Variants in HDAC9 observed in about 807,000 individuals in gnomAD.
HDAC9 encodes the protein MEF-2 interacting transcription repressor (MITR) protein.
A neutral mutation model predicts 139.4 loss-of-function variants in HDAC9; 41 were observed. The ratio of observed to expected loss-of-function variants is 0.29; its 90% CI spans 0.23 to 0.38. HDAC9 has a LOEUF of 0.38. HDAC9 is among the 10% of genes least tolerant of loss of function. HDAC9 has a pLI of 1.00. For missense variants in HDAC9, 1,147 were observed against 1,297.0 expected, an observed-to-expected ratio of 0.88 and a Z score of 1.78; for synonymous variants, 517 against 476.2, an observed-to-expected ratio of 1.09 and a Z score of -1.12.
At chr7:18,379,087 T>C (rs1785222156) in intron 1 of HDAC9, among the ~76,000 whole-genome samples, 1 of 152,204 alleles carries the variant, frequency 6.6e-6, no homozygotes, top group African/African-American at 2.4e-5. Context: ...TTTATAACTT[T>C]ATAACTCATA....
chr7:18,992,127 C>T (rs180841060), intron 25 of HDAC9, among the ~76,000 whole-genome samples: 2 of 152,162 alleles, frequency 1.3e-5, no homozygotes, highest in African/African-American at 4.8e-5. Context: ...AAATATATGA[C>T]CTGGTAATTT....
intron 16 of HDAC9, among the ~76,000 whole-genome samples, chr7:18,768,108 A>G (rs1319402558): frequency 1.3e-5 from 2 of 152,156 alleles, no homozygotes; most frequent in Admixed American, 1.3e-4. Context: ...TGGTAGCTAT[A>G]TCCATTTGCC....
intron 1 of HDAC9, among the ~76,000 whole-genome samples, chr7:18,354,168 A>C (rs1783075368): frequency 6.6e-6 from 1 of 152,166 alleles, no homozygotes; most frequent in Non-Finnish European, 1.5e-5. Context: ...AATCAGCCCT[A>C]CTGAATGAAC....
At chr7:18,523,933 TG>T (rs1805942242) in intron 2 of HDAC9, among the ~76,000 whole-genome samples, 1 of 148,768 alleles carries the variant, frequency 6.7e-6, no homozygotes, top group Non-Finnish European at 1.5e-5. Flanking sequence ...TCCCATTGCT[TG>T]TCTTGCTATT....
In HDAC9 at chr7:18,764,543, T is replaced by A. The variant is rs551418829; in HGVS notation, c.2164+2266T>A. On this transcript the variant is annotated intron_variant, in intron 15 of 25. Coordinates refer to ENST00000686413, the MANE Select transcript of HDAC9 (RefSeq NM_178425.4). Reference sequence around the variant, plus strand: ...CTCAATCTCAGTTCAAAGTGAATAATTCTGTTCTTTTTAAAGGTTAACTTT... The same window carrying A: ...CTCAATCTCAGTTCAAAGTGAATAAATCTGTTCTTTTTAAAGGTTAACTTT... Among the ~76,000 whole-genome samples, 225 of 152,298 alleles carry A rather than the reference T, an allele frequency of 1.5e-3. 1 individual carries two copies. Among genetic ancestry groups the A allele is most frequent in the Non-Finnish European group, 1.3e-3 (88 of 68,000 alleles).
intron 1 of HDAC9, among the ~76,000 whole-genome samples, chr7:18,339,394 C>G (rs1781825249): frequency 6.6e-6 from 1 of 151,324 alleles, no homozygotes; most frequent in Non-Finnish European, 1.5e-5. Context: ...CTACTATAGG[C>G]ACTTAATGCT....
chr7:18,737,275 G>A (rs1020435133), intron 13 of HDAC9, among the ~76,000 whole-genome samples: 1 of 152,062 alleles, frequency 6.6e-6, no homozygotes, highest in Non-Finnish European at 1.5e-5. Context: ...CTTTCCGCTA[G>A]CTTTTGAATT....
chr7:18,367,872 G>A (rs943082630), intron 1 of HDAC9, among the ~76,000 whole-genome samples: 11 of 152,022 alleles, frequency 7.2e-5, no homozygotes, highest in African/African-American at 1.9e-4. Context: ...CATTTTTGTC[G>A]TTTGGAGAAT....
intron 16 of HDAC9, among the ~76,000 whole-genome samples, chr7:18,792,672 A>T (rs1305880472): frequency 2.0e-5 from 3 of 152,190 alleles, no homozygotes; most frequent in African/African-American, 7.2e-5. Flanking sequence ...TACCAGTTTG[A>T]ACTGAAACAA....
At chr7:18,414,399 T>G (rs1220111663) in intron 1 of HDAC9, among the ~76,000 whole-genome samples, 1 of 152,214 alleles carries the variant, frequency 6.6e-6, no homozygotes, top group East Asian at 1.9e-4. Flanking sequence ...TCCTTTTTTT[T>G]TTTTGCATTG....
In HDAC9 at chr7:18,998,561, A is replaced by G. The variant is rs951063481; in HGVS notation, c.*2499A>G. The G allele has an allele frequency of 1.3e-5, 2 of 152,252 alleles. No individual in the cohort carries two copies. The highest frequency in any genetic ancestry group is 4.8e-5 in the African/African-American group (2 of 41,476). The allele number at this position is 152,252 out of a possible 1,614,324, so 9.4% of individuals were successfully genotyped here. A position where few individuals can be genotyped will look rare whatever the true frequency, so the allele number is the denominator to read the frequency against. ...TTTTGATTATACCATTACAAGATGG[A>G]GCATAGCCCTGAGGGACAGAATGGA... is the stretch of plus-strand genomic sequence containing the variant. On this transcript the variant is annotated 3_prime_UTR_variant, in exon 26 of 26. Transcript: ENST00000686413.
intron 2 of HDAC9, among the ~76,000 whole-genome samples, chr7:18,222,917 A>G (rs1792803289): frequency 6.6e-6 from 1 of 152,176 alleles, no homozygotes; most frequent in Non-Finnish European, 1.5e-5. Flanking sequence ...AAGGTAATGC[A>G]TATTTTAAAC....
chr7:18,259,334 A>G (rs1479809365), intron 2 of HDAC9, among the ~76,000 whole-genome samples: 1 of 151,902 alleles, frequency 6.6e-6, no homozygotes, highest in African/African-American at 2.4e-5. Flanking sequence ...CCCCAATAAA[A>G]GTAAGATTTT....
intron 1 of HDAC9, among the ~76,000 whole-genome samples, chr7:18,453,694 A>G (rs1250359604): frequency 1.3e-5 from 2 of 152,190 alleles, no homozygotes; most frequent in African/African-American, 4.8e-5. Context: ...TGTTTTTCAT[A>G]ATTTGTCTAC....
intron 2 of HDAC9, among the ~76,000 whole-genome samples, chr7:18,217,683 T>C (rs1403240794): frequency 6.6e-6 from 1 of 152,160 alleles, no homozygotes; most frequent in Admixed American, 6.5e-5. Flanking sequence ...TGTATTAGGA[T>C]TGCATTGACA....
At chr7:18,563,115 A>G (rs1821120581) in intron 2 of HDAC9, among the ~76,000 whole-genome samples, 1 of 152,154 alleles carries the variant, frequency 6.6e-6, no homozygotes, top group African/African-American at 2.4e-5. Flanking sequence ...TGTGATGGCT[A>G]AGAAAGGTTT....
intron 13 of HDAC9, among the ~76,000 whole-genome samples, chr7:18,731,268 C>G (rs1216438267): frequency 6.6e-6 from 1 of 151,882 alleles, no homozygotes; most frequent in African/African-American, 2.4e-5. Context: ...AAAATAAACT[C>G]ATACGATCTC....
intron 23 of HDAC9, among the ~76,000 whole-genome samples, chr7:18,943,283 T>C (rs971876717): frequency 6.6e-6 from 1 of 152,106 alleles, no homozygotes; most frequent in Admixed American, 6.5e-5. Context: ...CTAACTCTAC[T>C]GTGTGGTTCT....
intron 16 of HDAC9, among the ~76,000 whole-genome samples, chr7:18,786,470 C>CA (rs113788268): frequency 4.8e-5 from 1 of 20,760 alleles, no homozygotes; most frequent in African/African-American, 9.4e-5. Flanking sequence ...TCCTTCCTTT[C>CA]GTCCTTCCTT....
Sources: allele counts gnomAD v4.1 joint callset (sites outside exome capture counted in the v4.1 genomes callset), GRCh38; gene constraint gnomAD v4.1.1; transcripts MANE v1.5; gene names NCBI Gene and HGNC (gene_info 2026-07-23, HGNC 2026-07-21).